The following ABCA4 variants were observed in gnomAD, a reference collection of about 807,000 sequenced individuals.
ABCA4 encodes ATP binding cassette subfamily A member 4, also known as retinal-specific phospholipid-transporting ATPase ABCA4.
A neutral mutation model predicts 263.7 loss-of-function variants in ABCA4; 196 were observed. That is an observed-to-expected ratio of 0.74 (90% CI 0.66 to 0.84). The LOEUF (loss-of-function observed/expected upper bound fraction) is 0.84. Ranked by LOEUF, ABCA4 falls within the 40% of genes least tolerant of loss-of-function variation. The pLI is 0.00. For synonymous variants in ABCA4, 1,133 were observed against 1,094.2 expected, an observed-to-expected ratio of 1.04 and a Z score of -0.70; for missense variants, 2,792 against 2,855.1, an observed-to-expected ratio of 0.98 and a Z score of 0.50.
Position 93,992,976 on chromosome 1 carries a change from GT to G in ABCA4, c.*260del. On this transcript the variant is annotated 3_prime_UTR_variant, in exon 50 of 50. Coordinates refer to ENST00000370225, the MANE Select transcript of ABCA4 (RefSeq NM_000350.3). ...AAAGCTGCTAGTGGGATGGCCCGGG[GT>G]TTCTAGTTCTGGGGTCTGGAGAAGG... 3.6e-6 allele frequency: 2 copies of G among 549,092 alleles called. No homozygotes were observed. Among genetic ancestry groups the G allele is most frequent in the South Asian group, 4.3e-5 (2 of 46,204 alleles). The allele number at this position is 549,092 out of a possible 1,614,324, so 34.0% of individuals were successfully genotyped here. A position where few individuals can be genotyped will look rare whatever the true frequency, so the allele number is the denominator to read the frequency against.
chr1:94,046,355 G>A (rs577576836), intron 19 of ABCA4, among the ~76,000 whole-genome samples: 13 of 149,914 alleles, frequency 8.7e-5, no homozygotes, highest in African/African-American at 2.9e-4. Flanking sequence ...CCACCTACTT[G>A]GGAGGCTGAG....
In ABCA4 at chr1:93,993,105, T is replaced by G; in HGVS notation, c.*132A>C. ...TTCTGAATTCGCTGCATGCTCCTCG[T>G]GTGTTTGTTTTCTGCTGCAGTGGGG... On this transcript the variant is annotated 3_prime_UTR_variant, in exon 50 of 50. Transcript: ENST00000370225. The G allele has an allele frequency of 5.1e-6, 6 of 1,187,484 alleles. No individual in the cohort carries two copies. The highest frequency in any genetic ancestry group is 1.3e-5 in the South Asian group (1 of 79,700). 73.6% of individuals were successfully genotyped at this position (1,187,484 alleles called of 1,614,324 possible).
At position 94,010,946 on chromosome 1, in the gene ABCA4, A is replaced by T. The variant is rs61754664; in HGVS notation, c.5585-17T>A. On this transcript the variant is annotated splice_polypyrimidine_tract_variant and intron_variant, in intron 39 of 49. Transcript: ENST00000370225. ...GCTCCTCACCTGGGCATCAACAGGAATTGAGTCCACTTCAGCCGCCCCAGC... is the reference window on the plus strand; with the variant it reads ...GCTCCTCACCTGGGCATCAACAGGATTTGAGTCCACTTCAGCCGCCCCAGC... The T allele has an allele frequency of 1.1e-5, 17 of 1,614,018 alleles. No individual in the cohort carries two copies. Among genetic ancestry groups the T allele is most frequent in the Non-Finnish European group, 1.4e-5 (17 of 1,179,956 alleles).
Position 94,037,270 on chromosome 1 carries a change from T to C in ABCA4, c.3688A>G (p.Ile1230Val), listed in dbSNP as rs768895720. The change falls in exon 25 of 50, where the codon ATC becomes GTC. Residue 1230 changes from isoleucine (I) to valine (V), a missense_variant. By Grantham distance (29) the Ile-to-Val change is conservative (BLOSUM62 3). Transcript: ENST00000370225. ...KLVECIGQELIFLLPNKNFKH... is the reference protein window; with the variant it reads ...KLVECIGQELVFLLPNKNFKH... The stretch of plus-strand genomic sequence containing the variant: ...AAGTTCTTATTTGGAAGAAGGAAGA[T>C]AAGTTCTTGACCAATGCACTCCACC... 1.9e-6 allele frequency: 3 copies of C among 1,614,248 alleles called. No homozygotes were observed. In the Admixed American group the frequency reaches 5.0e-5, roughly 27 times the overall value.
intron 43 of ABCA4, among the ~76,000 whole-genome samples, chr1:94,007,133 G>A (rs1193145411): frequency 6.6e-6 from 1 of 152,190 alleles, no homozygotes; most frequent in Admixed American, 6.5e-5. Flanking sequence ...CCATGCATGA[G>A]CCCCTATCTA....
Position 94,000,919 on chromosome 1 carries a change from T to C in ABCA4, c.6396A>G (p.Glu2132=), listed in dbSNP as rs375151013. Residue 2132 remains glutamate, a synonymous_variant, in exon 47 of 50, where the codon GAA becomes GAG. Transcript: ENST00000370225. ...CCAGCCGGGTACACAGTGCCTCACA[T>C]TCTTCCATGCTGTGGGGCAGGAGAG... ...AVVLTSHSME[E]CEALCTRLAI... is the part of the protein sequence containing the mutation. The C allele has an allele frequency of 1.2e-5, 19 of 1,614,066 alleles. No homozygotes were observed. Among genetic ancestry groups the C allele is most frequent in the Non-Finnish European group, 1.5e-5 (18 of 1,180,034 alleles).
At position 94,021,232 on chromosome 1, in the gene ABCA4, T is replaced by A; in HGVS notation, c.5018+8A>T. 6.2e-7 allele frequency: 1 copy of A among 1,614,142 alleles called. No homozygotes were observed. The highest frequency in any genetic ancestry group is 8.5e-7 in the Non-Finnish European group (1 of 1,180,016). ...GAAAGTGGTGAGGCTGGGGCTGTGG[T>A]GGCTTACACTGTAATCTCTGAGAGC... On this transcript the variant is annotated splice_region_variant and intron_variant, in intron 35 of 49. Coordinates refer to ENST00000370225, the MANE Select transcript of ABCA4 (RefSeq NM_000350.3).
rs61750564 is a variant in ABCA4 at position 94,019,691 on chromosome 1, C to A, written c.5087G>T (p.Ser1696Ile). 1 of 1,613,794 alleles carries A rather than the reference C, an allele frequency of 6.2e-7. No homozygotes were observed. Among genetic ancestry groups the A allele is most frequent in the South Asian group, 1.1e-5 (1 of 90,944 alleles). ...VIFSMSFVPA[S>I]FVLYLIQERV... ...CTCCTGGATCAAATAAAGGACAAAG[C>A]TGGCTGGGACGAAGGACATGGAGAA... Residue 1696 changes from serine to isoleucine, a missense_variant, in exon 36 of 50, where the codon AGC becomes ATC. Ser to Ile is a moderately radical substitution (Grantham distance 142). Coordinates refer to ENST00000370225, the MANE Select transcript of ABCA4 (RefSeq NM_000350.3).
rs776490079 is a variant in ABCA4 at position 94,043,361 on chromosome 1, C to T, written c.3165G>A (p.Arg1055=). The T allele has an allele frequency of 1.3e-5, 21 of 1,614,134 alleles. No individual in the cohort carries two copies. Among genetic ancestry groups the T allele is most frequent in the Non-Finnish European group, 1.7e-5 (20 of 1,180,038 alleles). ...CTGATAGGTCCTGAGCCTCTTCATT[C>T]CGCTTGTGGTGGAGGCCTGTGTCCT... ...MLEDTGLHHK[R]NEEAQDLSGG... Residue 1055 remains arginine, a synonymous_variant, in exon 21 of 50, where the codon CGG becomes CGA. Transcript: ENST00000370225.
Position 94,051,627 on chromosome 1 carries a change from A to G in ABCA4, c.2653+6T>C. 1 of 1,611,502 alleles carries G rather than the reference A, an allele frequency of 6.2e-7. No homozygotes were observed. Among genetic ancestry groups the G allele is most frequent in the Non-Finnish European group, 8.5e-7 (1 of 1,177,588 alleles). ...AACATTAAGATTTGTGTTTTAAAGG[A>G]CTCACCTTCACCGCCAAGCCAATAC... On this transcript the variant is annotated splice_donor_region_variant and intron_variant, in intron 17 of 49. Coordinates refer to ENST00000370225, the MANE Select transcript of ABCA4 (RefSeq NM_000350.3).
chr1:94,044,513 G>A, intron 20 of ABCA4, 100 bp downstream of exon 20: 1 of 1,570,550 alleles, frequency 6.4e-7, no homozygotes, highest in Admixed American at 1.7e-5. Context: ...ATCTCTGCCT[G>A]TGCCCAGGCC....
chr1:94,029,223 A>G (rs776030146), intron 30 of ABCA4, among the ~76,000 whole-genome samples: 3 of 152,142 alleles, frequency 2.0e-5, no homozygotes, highest in Non-Finnish European at 2.9e-5. Flanking sequence ...AATAGGAAGT[A>G]TCTGGTGGAA....
intron 43 of ABCA4, among the ~76,000 whole-genome samples, chr1:94,006,157 T>TA (rs1659378658): frequency 6.6e-6 from 1 of 152,156 alleles, no homozygotes; most frequent in Admixed American, 6.5e-5. Context: ...AAACTATACA[T>TA]AGACATTTAG....
At chr1:94,095,431 G>A (rs1400774563) in intron 6 of ABCA4, among the ~76,000 whole-genome samples, 3 of 152,100 alleles carry the variant, frequency 2.0e-5, no homozygotes, top group Non-Finnish European at 4.4e-5. Context: ...GAACTCATTT[G>A]GCATTTAATA....
rs762593392 is a variant in ABCA4, at chr1:94,060,539, T to C, written c.2158A>G (p.Met720Val). Residue 720 changes from methionine to valine, a missense_variant and splice_region_variant, in exon 14 of 50, where the codon ATG becomes GTG. Met to Val is a conservative substitution (Grantham distance 21, BLOSUM62 1). Transcript: ENST00000370225. Reference protein sequence around the residue: ...MSIFLLTIFIMHGRILHYSDP... With the variant: ...MSIFLLTIFIVHGRILHYSDP... ...TGGGCCTTCTCCATTTGGCTTACCATGATGAATATCGTCAGGAGGAAGATG... is the reference window on the plus strand; with the variant it reads ...TGGGCCTTCTCCATTTGGCTTACCACGATGAATATCGTCAGGAGGAAGATG... 4 of 1,613,512 alleles carry C rather than the reference T, an allele frequency of 2.5e-6. No individual in the cohort carries two copies. Among genetic ancestry groups the C allele is most frequent in the East Asian group, 2.2e-5 (1 of 44,896 alleles).
chr1:94,082,059 A>G (rs895682389), intron 7 of ABCA4, among the ~76,000 whole-genome samples: 1 of 152,154 alleles, frequency 6.6e-6, no homozygotes, highest in Admixed American at 6.5e-5. Context: ...ACATGCCAAC[A>G]CTTGCCCTCT....
At chr1:94,013,047 T>C (rs995272811) in intron 38 of ABCA4, among the ~76,000 whole-genome samples, 5 of 152,038 alleles carry the variant, frequency 3.3e-5, no homozygotes, top group African/African-American at 1.2e-4. Context: ...GCTAAATGGG[T>C]GCAGCCTCAG....
At chr1:94,041,086 C>T (rs1660472261) in intron 23 of ABCA4, 123 bp downstream of exon 23, 1 of 1,038,876 alleles carries the variant, frequency 9.6e-7, no homozygotes, top group Admixed American at 1.9e-5. Context: ...GCAAATGGTC[C>T]CAGAACAAAG....
chr1:94,015,750 G>A lies in ABCA4; in HGVS notation c.5301C>T (p.Leu1767=). ...PENLPALVAL[L]LLYGWAVIPM... ...CCCAAACGGCTTACCCATACAGCAG[G>A]AGCAGTGCCACAAGGGCAGGAAGGT... Residue 1767 remains leucine, a synonymous_variant, in exon 37 of 50, where the codon CTC becomes CTT. Transcript: ENST00000370225. The A allele has an allele frequency of 6.2e-7, 1 of 1,613,838 alleles. No homozygotes were observed. Among genetic ancestry groups the A allele is most frequent in the Non-Finnish European group, 8.5e-7 (1 of 1,179,878 alleles).
Sources: allele counts gnomAD v4.1 joint callset (sites outside exome capture counted in the v4.1 genomes callset), GRCh38; gene constraint gnomAD v4.1.1; transcripts MANE v1.5; gene names NCBI Gene and HGNC (gene_info 2026-07-23, HGNC 2026-07-21).